Variants in AGBL4 observed in about 807,000 individuals in gnomAD.
AGBL4 encodes AGBL carboxypeptidase 4.
AGBL4 carries 58 observed loss-of-function variants against 66.4 expected under a neutral mutation model. The ratio of observed to expected loss-of-function variants is 0.87; its 90% confidence interval spans 0.71 to 1.09. The LOEUF is 1.09. AGBL4 is among the 50% of genes least tolerant of loss of function. AGBL4 has a pLI of 0.00. For missense variants in AGBL4, 579 were observed against 631.0 expected (o/e 0.92, Z 0.88); for synonymous variants, 234 against 222.9 (o/e 1.05, Z -0.44).
intron 3 of AGBL4, among the ~76,000 whole-genome samples, chr1:49,433,239 C>A (rs1645825830): frequency 6.6e-6 from 1 of 152,304 alleles, no homozygotes. Context: ...AGAGGGTCAT[C>A]ATGGGAATCC....
At chr1:49,314,513 A>G (rs768831041) in intron 3 of AGBL4, among the ~76,000 whole-genome samples, 1 of 152,060 alleles carries the variant, frequency 6.6e-6, no homozygotes, top group Non-Finnish European at 1.5e-5. Flanking sequence ...TAGTTTGCTG[A>G]GAATGATGGT....
chr1:48,910,268 G>C (rs1489343218), intron 5 of AGBL4, among the ~76,000 whole-genome samples: 1 of 152,200 alleles, frequency 6.6e-6, no homozygotes, highest in South Asian at 2.1e-4. Flanking sequence ...CACTTGACGT[G>C]AAATGCGACT....
intron 2 of AGBL4, among the ~76,000 whole-genome samples, chr1:49,746,842 C>T (rs1478791422): frequency 6.6e-6 from 1 of 152,034 alleles, no homozygotes; most frequent in African/African-American, 2.4e-5. Context: ...AATTAATTGT[C>T]TGTAGCTGAG....
At chr1:48,999,887 T>A (rs1481707867) in intron 5 of AGBL4, among the ~76,000 whole-genome samples, 1 of 151,904 alleles carries the variant, frequency 6.6e-6, no homozygotes, top group African/African-American at 2.4e-5. Flanking sequence ...ATCAACAGAG[T>A]CCATTCTATT....
At chr1:49,224,000 T>C (rs558853014) in intron 4 of AGBL4, among the ~76,000 whole-genome samples, 9 of 152,294 alleles carry the variant, frequency 5.9e-5, no homozygotes, top group African/African-American at 1.4e-4. Context: ...CTGGGCTTAA[T>C]TGGACTTTTA....
intron 3 of AGBL4, among the ~76,000 whole-genome samples, chr1:49,620,485 T>C (rs751793766): frequency 4.6e-5 from 7 of 152,318 alleles, no homozygotes; most frequent in Non-Finnish European, 8.8e-5. Flanking sequence ...CTAGAGGGGA[T>C]GTGGAGAAAC....
At chr1:49,975,860 A>G (rs1428314844) in intron 1 of AGBL4, among the ~76,000 whole-genome samples, 1 of 152,198 alleles carries the variant, frequency 6.6e-6, no homozygotes, top group Non-Finnish European at 1.5e-5. Context: ...TACTAAGACC[A>G]TTATTGTTCC....
In AGBL4 at chr1:49,283,704, A is replaced by G. The variant is rs377433123; in HGVS notation, c.283-37840T>C. Among the ~76,000 whole-genome samples the G allele has an allele frequency of 2.6e-4, 39 of 151,036 alleles. 1 individual carries two copies. The highest frequency in any genetic ancestry group is 9.7e-4 in the East Asian group (5 of 5,156). On this transcript the variant is annotated intron_variant, in intron 3 of 13. Transcript: ENST00000371839. ...CTGATGGAGCTGAAAACCAAGGCTCAAGAACTACGTGAAGAATGCAGAAGC... is the reference window on the plus strand; with the variant it reads ...CTGATGGAGCTGAAAACCAAGGCTCGAGAACTACGTGAAGAATGCAGAAGC...
intron 1 of AGBL4, among the ~76,000 whole-genome samples, chr1:49,894,031 G>C (rs1212988954): frequency 2.0e-5 from 3 of 152,162 alleles, no homozygotes. Context: ...CAAAGAGACA[G>C]ACTCTGCTTG....
chr1:48,815,907 C>A (rs1934372), intron 6 of AGBL4, among the ~76,000 whole-genome samples: 1 of 152,108 alleles, frequency 6.6e-6, no homozygotes, highest in Non-Finnish European at 1.5e-5. Flanking sequence ...CAGATGTGGT[C>A]TCTCTTTCTG....
At chr1:48,846,041 G>T (rs1249541497) in intron 6 of AGBL4, among the ~76,000 whole-genome samples, 2 of 152,082 alleles carry the variant, frequency 1.3e-5, no homozygotes, top group Admixed American at 1.3e-4. Flanking sequence ...GGTCTGACTT[G>T]TCCCACTTCC....
At position 49,957,760 on chromosome 1, in the gene AGBL4, C is replaced by A. The variant is rs1202939925; in HGVS notation, c.34+66003G>T. On this transcript the variant is annotated intron_variant, in intron 1 of 13. Transcript: ENST00000371839. ...ATTTTAAGCCTATGTGTGTCCTGCA[C>A]TTGAGATGGGTCTCCTGAATACAGC... Among the ~76,000 whole-genome samples, 5 of 152,150 alleles carry A rather than the reference C, an allele frequency of 3.3e-5. No individual in the cohort carries two copies. In the East Asian group the frequency reaches 7.7e-4, roughly 24 times the overall value.
intron 2 of AGBL4, among the ~76,000 whole-genome samples, chr1:49,818,091 A>C (rs562481698): frequency 2.0e-5 from 3 of 152,154 alleles, no homozygotes; most frequent in Admixed American, 6.6e-5. Context: ...CTAGAAATGC[A>C]ATGACATTGA....
intron 5 of AGBL4, among the ~76,000 whole-genome samples, chr1:48,879,604 C>T (rs1649567888): frequency 6.6e-6 from 1 of 152,032 alleles, no homozygotes; most frequent in Admixed American, 6.6e-5. Context: ...TTGATAAATG[C>T]TTTCATAAAA....
chr1:49,614,827 G>A (rs1479732931), intron 3 of AGBL4, among the ~76,000 whole-genome samples: 2 of 152,124 alleles, frequency 1.3e-5, no homozygotes. Flanking sequence ...TTATGTAACT[G>A]TTTTATATTA....
intron 6 of AGBL4, among the ~76,000 whole-genome samples, chr1:48,670,160 T>C (rs1344332464): frequency 1.3e-5 from 2 of 152,192 alleles, no homozygotes; most frequent in Non-Finnish European, 2.9e-5. Context: ...TCTTCACAAA[T>C]GGTGTCTTAA....
At chr1:49,145,018 C>A (rs978153792) in intron 4 of AGBL4, among the ~76,000 whole-genome samples, 2 of 152,054 alleles carry the variant, frequency 1.3e-5, no homozygotes, top group Non-Finnish European at 2.9e-5. Flanking sequence ...AGGATGGGGT[C>A]AGTCCAGCCT....
intron 11 of AGBL4, among the ~76,000 whole-genome samples, chr1:48,574,620 G>A (rs376655702): frequency 2.0e-4 from 30 of 150,746 alleles, no homozygotes; most frequent in African/African-American, 7.3e-4. Flanking sequence ...AAACTGCATG[G>A]ATTGAGAGCA....
intron 3 of AGBL4, among the ~76,000 whole-genome samples, chr1:49,537,835 G>A (rs1382101358): frequency 1.3e-5 from 2 of 152,094 alleles, no homozygotes; most frequent in Admixed American, 6.6e-5. Flanking sequence ...GCTGAGGCAG[G>A]AGAATGGTGT....
Sources: gnomAD v4.1 joint callset for allele counts (sites outside exome capture counted in the v4.1 genomes callset) on GRCh38, gnomAD v4.1.1 for gene constraint, MANE v1.5 for transcripts, NCBI Gene and HGNC (gene_info 2026-07-23, HGNC 2026-07-21) for gene names.